Variants in SLC4A10 observed in about 807,000 individuals in gnomAD.
The protein encoded by SLC4A10 is solute carrier family 4 member 10.
SLC4A10 carries 42 observed loss-of-function variants against 137.7 expected under a neutral mutation model. The ratio of observed to expected loss-of-function variants is 0.30; its 90% CI spans 0.24 to 0.39. The LOEUF is 0.39. Ranked by LOEUF, SLC4A10 falls within the 10% of genes least tolerant of loss-of-function variation. The probability of loss-of-function intolerance (pLI) is 1.00; values close to 1 mark genes in which losing one functional copy is unlikely to be tolerated. For missense variants in SLC4A10, 925 were observed against 1,355.0 expected (o/e 0.68, Z 4.98); for synonymous variants, 474 against 464.1 (o/e 1.02, Z -0.27).
At chr2:161,643,567 T>C (rs935101417) in intron 1 of SLC4A10, among the ~76,000 whole-genome samples, 7 of 152,136 alleles carry the variant, frequency 4.6e-5, no homozygotes, top group Non-Finnish European at 8.8e-5. Context: ...ATGGTATATA[T>C]CTTACATATG....
At chr2:161,703,928 G>A (rs1228874324) in intron 1 of SLC4A10, among the ~76,000 whole-genome samples, 2 of 151,612 alleles carry the variant, frequency 1.3e-5, no homozygotes, top group South Asian at 4.1e-4. Context: ...AATAGAAATG[G>A]CCAGCCTCCA....
intron 15 of SLC4A10, chr2:161,931,295 C>T (rs1487228448): frequency 6.6e-6 from 1 of 152,392 alleles, no homozygotes; most frequent in African/African-American, 2.4e-5. Context: ...GGCCTAGCTT[C>T]TTTTGGGGAC....
At chr2:161,778,150 T>A (rs183418324) in intron 2 of SLC4A10, among the ~76,000 whole-genome samples, 1 of 152,034 alleles carries the variant, frequency 6.6e-6, no homozygotes, top group East Asian at 1.9e-4. Flanking sequence ...ATTACAGACT[T>A]TCTGTTCAAA....
intron 10 of SLC4A10, among the ~76,000 whole-genome samples, chr2:161,886,306 T>C (rs538834877): frequency 3.6e-4 from 55 of 152,212 alleles, no homozygotes; most frequent in African/African-American, 1.1e-3. Flanking sequence ...TTGGAAGAAA[T>C]ACACATGAAA....
chr2:161,756,729 C>A (rs1432576063), intron 1 of SLC4A10, among the ~76,000 whole-genome samples: 1 of 152,122 alleles, frequency 6.6e-6, no homozygotes, highest in Non-Finnish European at 1.5e-5. Context: ...ATCACTATTT[C>A]TCTTCCTACA....
intron 1 of SLC4A10, among the ~76,000 whole-genome samples, chr2:161,743,905 G>C (rs563252922): frequency 3.3e-5 from 5 of 151,904 alleles, no homozygotes; most frequent in Non-Finnish European, 7.4e-5. Flanking sequence ...TTTTAAATGG[G>C]ATTACTTTCT....
At chr2:161,673,762 G>T (rs2039988782) in intron 1 of SLC4A10, among the ~76,000 whole-genome samples, 1 of 152,176 alleles carries the variant, frequency 6.6e-6, no homozygotes, top group Non-Finnish European at 1.5e-5. Flanking sequence ...GGACAAGGCG[G>T]GTGGATCACT....
intron 21 of SLC4A10, among the ~76,000 whole-genome samples, chr2:161,961,163 A>AT (rs1389613945): frequency 1.3e-5 from 2 of 152,224 alleles, no homozygotes; most frequent in African/African-American, 4.8e-5. Context: ...ATATAAGAGA[A>AT]TAGTTAACCT....
chr2:161,946,064 C>A (rs958519540), intron 16 of SLC4A10, among the ~76,000 whole-genome samples: 16 of 151,900 alleles, frequency 1.1e-4, no homozygotes, highest in African/African-American at 3.9e-4. Context: ...TTCATTTTTG[C>A]CACCTTATCT....
At chr2:161,969,780 A>C (rs1164593569) in intron 23 of SLC4A10, among the ~76,000 whole-genome samples, 2 of 152,216 alleles carry the variant, frequency 1.3e-5, no homozygotes, top group African/African-American at 4.8e-5. Flanking sequence ...GAAAAAAGCA[A>C]TCTAAAAACA....
intron 1 of SLC4A10, among the ~76,000 whole-genome samples, chr2:161,679,741 C>T (rs1429530157): frequency 6.8e-6 from 1 of 147,384 alleles, no homozygotes; most frequent in East Asian, 2.0e-4. Flanking sequence ...AACTGCCTTT[C>T]AAGTGGCTTG....
chr2:161,965,005 G>A (rs4233647), intron 22 of SLC4A10, 46 bp from the exon 23 acceptor site: 615,463 of 1,559,760 alleles, frequency 0.39, 129,314 homozygotes, highest in Admixed American at 0.45. Context: ...TACACCTCTC[G>A]TTTTAATTTT....
intron 1 of SLC4A10, among the ~76,000 whole-genome samples, chr2:161,668,088 TTA>T (rs1250458194): frequency 6.6e-6 from 1 of 151,818 alleles, no homozygotes; most frequent in Non-Finnish European, 1.5e-5. Context: ...GTTGCAGTAC[TTA>T]TATGTTAGTT....
At chr2:161,725,692 C>G (rs1355295596) in intron 1 of SLC4A10, among the ~76,000 whole-genome samples, 1 of 152,186 alleles carries the variant, frequency 6.6e-6, no homozygotes, top group Non-Finnish European at 1.5e-5. Context: ...AGAAAAAACT[C>G]AGTCAAATTT....
chr2:161,905,988 T>A, intron 15 of SLC4A10, 101 bp downstream of exon 15: 2 of 1,416,506 alleles, frequency 1.4e-6, no homozygotes, highest in South Asian at 1.5e-5. Flanking sequence ...GAATGTGCCT[T>A]AAGTTGATTC....
At chr2:161,700,341 G>A (rs551010024) in intron 1 of SLC4A10, among the ~76,000 whole-genome samples, 68 of 152,224 alleles carry the variant, frequency 4.5e-4, no homozygotes, top group Middle Eastern at 3.4e-3. Context: ...TATAGCCATC[G>A]CATTTATTCA....
chr2:161,656,916 A>T (rs2105652085), intron 1 of SLC4A10, among the ~76,000 whole-genome samples: 1 of 152,258 alleles, frequency 6.6e-6, no homozygotes, highest in South Asian at 2.1e-4. Context: ...TTATAAGCTT[A>T]AAAATGGTGT....
At chr2:161,954,871 T>C (rs1024570415) in intron 19 of SLC4A10, among the ~76,000 whole-genome samples, 1 of 152,222 alleles carries the variant, frequency 6.6e-6, no homozygotes, top group Non-Finnish European at 1.5e-5. Flanking sequence ...TTTTAAAACA[T>C]TCAATAAGAG....
chr2:161,800,640 A>G (rs747594846), intron 2 of SLC4A10, among the ~76,000 whole-genome samples: 12 of 152,104 alleles, frequency 7.9e-5, no homozygotes, highest in Non-Finnish European at 1.6e-4. Flanking sequence ...GTGTTTTGAA[A>G]TCTTATGAAT....
Sources: gnomAD v4.1 joint callset for allele counts (sites outside exome capture counted in the v4.1 genomes callset) on GRCh38, gnomAD v4.1.1 for gene constraint, MANE v1.5 for transcripts, NCBI Gene and HGNC (gene_info 2026-07-23, HGNC 2026-07-21) for gene names.